The following OTUD7B variants were observed in gnomAD, a reference collection of about 807,000 sequenced individuals.
The protein encoded by OTUD7B is OTU domain-containing protein 7B.
Under a neutral mutation model 82.2 loss-of-function variants are expected in OTUD7B, and 34 were observed. The observed-to-expected ratio is 0.41, with a 90% CI of 0.31 to 0.55. The LOEUF is 0.55. OTUD7B is among the 20% of genes least tolerant of loss of function. The pLI is 0.20. For synonymous variants in OTUD7B, 398 were observed against 402.7 expected (o/e 0.99, Z 0.14); for missense variants, 944 against 1,062.1 (o/e 0.89, Z 1.55).
intron 1 of OTUD7B, among the ~76,000 whole-genome samples, chr1:150,005,053 A>G (rs1652575222): frequency 6.6e-6 from 1 of 152,034 alleles, no homozygotes; most frequent in South Asian, 2.1e-4. Flanking sequence ...ATCTGAAATG[A>G]GTTATAATTC....
At chr1:150,040,957 T>G in the OTUD7B span, among the ~76,000 whole-genome samples, 17 of 152,084 alleles carry the variant, frequency 1.1e-4, no homozygotes, top group South Asian at 3.3e-3. Flanking sequence ...AGATCTGCCC[T>G]CCTCGGCCTC....
the OTUD7B span, among the ~76,000 whole-genome samples, chr1:150,022,439 G>T: frequency 6.8e-6 from 1 of 147,460 alleles, no homozygotes. Context: ...ACATGCTGAA[G>T]GTCTGAGGCA....
chr1:150,003,078 G>A (rs587611946), intron 1 of OTUD7B, among the ~76,000 whole-genome samples: 4 of 151,810 alleles, frequency 2.6e-5, no homozygotes, highest in South Asian at 2.1e-4. Context: ...GTGAAACCCC[G>A]CCTCCACTAA....
At chr1:149,982,010 G>A (rs958395945) in intron 1 of OTUD7B, among the ~76,000 whole-genome samples, 8 of 152,070 alleles carry the variant, frequency 5.3e-5, no homozygotes, top group Non-Finnish European at 1.2e-4. Flanking sequence ...TTAGCCGGGC[G>A]TGGTGGCGGA....
At chr1:149,949,997 C>T in intron 8 of OTUD7B, 97 bp downstream of exon 8, 1 of 1,496,970 alleles carries the variant, frequency 6.7e-7, no homozygotes, top group Non-Finnish European at 9.1e-7. Context: ...CCCCAAGGGT[C>T]TATATATCCC....
chr1:149,950,630 A>G lies in OTUD7B; in HGVS notation c.846-409T>C, dbSNP rs587627951. ...ACACTCATGTCTTACAAAAACAGCC[A>G]AACACAATTCCTTTCCTATGTTCCT... On this transcript the variant is annotated intron_variant, in intron 7 of 11. Coordinates refer to ENST00000581312, the MANE Select transcript of OTUD7B (RefSeq NM_020205.4). Among the ~76,000 whole-genome samples the G allele has an allele frequency of 2.6e-5, 4 of 152,218 alleles. No individual in the cohort carries two copies. The South Asian group carries it at 8.3e-4, about 32-fold the overall frequency.
rs782769953 is a variant in OTUD7B, at chr1:149,944,052, G to A, written c.2337C>T (p.Tyr779=). 1.5e-5 allele frequency: 25 copies of A among 1,614,036 alleles called. No individual in the cohort carries two copies. Among genetic ancestry groups the A allele is most frequent in the Non-Finnish European group, 2.1e-5 (25 of 1,180,020 alleles). ...YRVADSYSNG[Y]REPPEPDGWA... ...ATCCATCTGGCTCAGGGGGCTCTCT[G>A]TAGCCATTGCTATAGGAATCAGCCA... Residue 779 remains tyrosine, a synonymous_variant, in exon 12 of 12, where the codon TAC becomes TAT. Transcript: ENST00000581312.
chr1:149,977,627 T>TG (rs1318801164), intron 1 of OTUD7B, 51 bp from the exon 2 acceptor site: 1 of 718,338 alleles, frequency 1.4e-6, no homozygotes, highest in African/African-American at 1.7e-5. Flanking sequence ...AACAGGATAA[T>TG]CACAGTCCCA....
At chr1:149,949,138 G>C in intron 9 of OTUD7B, 55 bp from the exon 10 acceptor site, 1 of 1,059,378 alleles carries the variant, frequency 9.4e-7, no homozygotes, top group Non-Finnish European at 1.5e-6. Flanking sequence ...AAAGGTAACT[G>C]AACACAGACT....
upstream of OTUD7B, among the ~76,000 whole-genome samples, chr1:150,015,383 T>A (rs1178304080): frequency 1.4e-5 from 2 of 141,982 alleles, no homozygotes; most frequent in African/African-American, 5.3e-5. Flanking sequence ...AACCTCCACC[T>A]CCCGGGTTCA....
rs375213760 is a variant in OTUD7B, at chr1:149,969,513, G to A, written c.274+1550C>T. Reference sequence around the variant, plus strand: ...GTTTTGGCCGGGCACGATGGCTCACGCCTGTAATCCCAACACTTTGGGAGG... The same window carrying A: ...GTTTTGGCCGGGCACGATGGCTCACACCTGTAATCCCAACACTTTGGGAGG... On this transcript the variant is annotated intron_variant, in intron 3 of 11. Coordinates refer to ENST00000581312, the MANE Select transcript of OTUD7B (RefSeq NM_020205.4). Among the ~76,000 whole-genome samples, 105 of 152,096 alleles carry A rather than the reference G, an allele frequency of 6.9e-4. 2 individuals are homozygous for A. Among genetic ancestry groups the A allele is most frequent in the African/African-American group, 2.5e-3 (104 of 41,504 alleles).
intron 1 of OTUD7B, among the ~76,000 whole-genome samples, chr1:150,000,503 A>C (rs1320821116): frequency 2.0e-5 from 3 of 151,784 alleles, no homozygotes; most frequent in Middle Eastern, 3.4e-3. Context: ...ACAAACAAAC[A>C]AAAAAACAGG....
chr1:149,957,098 TGGA>T (rs1288568728), intron 7 of OTUD7B, among the ~76,000 whole-genome samples: 2 of 152,200 alleles, frequency 1.3e-5, no homozygotes, highest in African/African-American at 2.4e-5. Context: ...TGCGTTCCTT[TGGA>T]GGAGAAGAGG....
upstream of OTUD7B, among the ~76,000 whole-genome samples, chr1:150,014,650 A>T (rs868965066): frequency 6.6e-6 from 1 of 152,190 alleles, no homozygotes; most frequent in African/African-American, 2.4e-5. Context: ...AAAACAAATG[A>T]TCATTAAACA....
Position 149,943,664 on chromosome 1 carries a change from G to A in OTUD7B, c.*193C>T. On this transcript the variant is annotated 3_prime_UTR_variant, in exon 12 of 12. Transcript: ENST00000581312. ...TCTGCAGAGGAATAGTACAGCCCCT[G>A]AGGTGCCATCCAGCCCCGACCTGCT... The A allele has an allele frequency of 1.6e-6, 1 of 617,842 alleles. No homozygotes were observed. The highest frequency in any genetic ancestry group is 2.9e-5 in the Admixed American group (1 of 34,340). 38.3% of individuals were successfully genotyped at this position (617,842 alleles called of 1,614,324 possible). A position where few individuals can be genotyped will look rare whatever the true frequency, so the allele number is the denominator to read the frequency against.
chr1:149,941,046 A>C lies in OTUD7B; in HGVS notation c.*2811T>G, dbSNP rs782488502. On this transcript the variant is annotated 3_prime_UTR_variant, in exon 12 of 12. Coordinates refer to ENST00000581312, the MANE Select transcript of OTUD7B (RefSeq NM_020205.4). ...ATAATTTATTTCTTAATAAAAAGCTATAAGGCCTAAAGCCCCATTTTACCA... is the reference window on the plus strand; with the variant it reads ...ATAATTTATTTCTTAATAAAAAGCTCTAAGGCCTAAAGCCCCATTTTACCA... 1 of 152,192 alleles carries C rather than the reference A, an allele frequency of 6.6e-6. No homozygotes were observed. Among genetic ancestry groups the C allele is most frequent in the South Asian group, 2.1e-4 (1 of 4,834 alleles). 9.4% of individuals were successfully genotyped at this position (152,192 alleles called of 1,614,324 possible).
intron 1 of OTUD7B, among the ~76,000 whole-genome samples, chr1:150,007,896 G>A (rs1175782899): frequency 6.6e-6 from 1 of 152,102 alleles, no homozygotes; most frequent in Non-Finnish European, 1.5e-5. Context: ...ATTTCAAAGC[G>A]CTGTTTAAGG....
chr1:149,965,065 T>G (rs113373774), intron 5 of OTUD7B, among the ~76,000 whole-genome samples: 2,918 of 143,276 alleles, frequency 0.02, 80 homozygotes, highest in African/African-American at 0.068. Context: ...GCTAATTTTT[T>G]TATTTTTAGT....
chr1:150,062,683 A>G, the OTUD7B span, among the ~76,000 whole-genome samples: 2 of 135,702 alleles, frequency 1.5e-5, no homozygotes, highest in African/African-American at 5.5e-5. Flanking sequence ...CCTGACATAC[A>G]TTTGTTTTCT....
Sources: allele counts gnomAD v4.1 joint callset (sites outside exome capture counted in the v4.1 genomes callset), GRCh38; gene constraint gnomAD v4.1.1; transcripts MANE v1.5; gene names NCBI Gene and HGNC (gene_info 2026-07-23, HGNC 2026-07-21).